Variants in SAMD5 observed in about 807,000 individuals in gnomAD.
The protein encoded by SAMD5 is sterile alpha motif domain containing 5, also known as sterile alpha motif domain-containing protein 5.
SAMD5 carries 13 observed loss-of-function variants against 11.3 expected under a neutral mutation model. That is an observed-to-expected ratio of 1.15 (90% confidence interval 0.75 to 1.83). SAMD5 has a LOEUF of 1.83. Ranked by LOEUF, SAMD5 falls within the 40% of genes most tolerant of loss-of-function variation. SAMD5 has a pLI of 0.00. For synonymous variants in SAMD5, 129 were observed against 111.3 expected (o/e 1.16, Z -1.00); for missense variants, 255 against 239.1 (o/e 1.07, Z -0.44).
At chr6:147,892,506 A>G in the SAMD5 span, among the ~76,000 whole-genome samples, 24,175 of 152,186 alleles carry the variant, frequency 0.16, 2,140 homozygotes, top group East Asian at 0.32. Context: ...TACTGACAAA[A>G]TTCCAGTTAG....
At chr6:147,777,442 A>C in the SAMD5 span, among the ~76,000 whole-genome samples, 1 of 151,462 alleles carries the variant, frequency 6.6e-6, no homozygotes, top group African/African-American at 2.4e-5. Flanking sequence ...CTTGGCCTCC[A>C]CTCTCTCCTG....
chr6:147,861,870 C>G, the SAMD5 span, among the ~76,000 whole-genome samples: 1,226 of 152,272 alleles, frequency 8.1e-3, 13 homozygotes, highest in Middle Eastern at 0.037. Context: ...GGCTCTGTGA[C>G]AGCAGCTGTT....
chr6:147,669,484 G>C (rs1790767269), intron 1 of SAMD5, among the ~76,000 whole-genome samples: 1 of 140,880 alleles, frequency 7.1e-6, no homozygotes, highest in African/African-American at 2.7e-5. Context: ...CTGGAGTGCA[G>C]TGTCATGGTC....
chr6:147,936,416 C>T, the SAMD5 span, among the ~76,000 whole-genome samples: 1 of 147,080 alleles, frequency 6.8e-6, no homozygotes, highest in Non-Finnish European at 1.5e-5. Context: ...AGGCACATCA[C>T]ATAGTGAGAG....
intron 1 of SAMD5, among the ~76,000 whole-genome samples, chr6:147,657,581 C>T (rs1790589102): frequency 6.6e-6 from 1 of 152,140 alleles, no homozygotes. Flanking sequence ...GCTGCTATAA[C>T]AAAATACCAT....
the SAMD5 span, among the ~76,000 whole-genome samples, chr6:147,859,335 G>A: frequency 2.0e-5 from 3 of 152,258 alleles, no homozygotes; most frequent in Admixed American, 1.3e-4. Context: ...GCCTACCATA[G>A]GAAACAATTG....
intron 1 of SAMD5, among the ~76,000 whole-genome samples, chr6:147,655,630 G>A (rs540122173): frequency 3.0e-4 from 46 of 152,228 alleles, no homozygotes; most frequent in African/African-American, 1.0e-3. Flanking sequence ...GAATATTTAT[G>A]TAATTTATTA....
chr6:147,910,499 A>C, the SAMD5 span, among the ~76,000 whole-genome samples: 12 of 152,284 alleles, frequency 7.9e-5, no homozygotes, highest in South Asian at 2.5e-3. Flanking sequence ...TGCTGGGTAG[A>C]AAATGCCACT....
At chr6:147,574,326 A>G (rs1337661146), downstream of SAMD5, among the ~76,000 whole-genome samples, 5 of 152,292 alleles carry the variant, frequency 3.3e-5, no homozygotes, top group East Asian at 5.8e-4. Flanking sequence ...GGTTTTTCAT[A>G]ATTTACCCAA....
intron 1 of SAMD5, among the ~76,000 whole-genome samples, chr6:147,710,291 C>G (rs9386194): frequency 0.71 from 108,131 of 152,150 alleles, 39,241 homozygotes; most frequent in African/African-American, 0.85. Context: ...TGAAAGTACA[C>G]TTACCCCGCC....
intron 1 of SAMD5, among the ~76,000 whole-genome samples, chr6:147,523,086 A>G (rs541838483): frequency 1.3e-5 from 2 of 152,088 alleles, no homozygotes; most frequent in East Asian, 1.9e-4. Context: ...TCAATCCCCT[A>G]TAGTCGGCTC....
the SAMD5 span, among the ~76,000 whole-genome samples, chr6:147,908,891 A>C: frequency 5.6e-4 from 85 of 152,302 alleles, no homozygotes; most frequent in African/African-American, 2.0e-3. Context: ...ATGCAGGCTA[A>C]GCCTGAGATA....
the SAMD5 span, among the ~76,000 whole-genome samples, chr6:147,939,655 G>T: frequency 6.6e-6 from 1 of 152,140 alleles, no homozygotes; most frequent in Admixed American, 6.5e-5. Flanking sequence ...AGGAGAAATA[G>T]TAGCAAGAGA....
chr6:147,551,812 T>TTATATATATATATATATGTTATATATATA (rs1788776278), intron 1 of SAMD5, among the ~76,000 whole-genome samples: 3 of 99,450 alleles, frequency 3.0e-5, no homozygotes, highest in African/African-American at 1.1e-4. Context: ...TATATATATG[T>TTATATATATATATATATGTTATATATATA]TATATATATA....
At chr6:147,629,459 C>G (rs949425277) in intron 1 of SAMD5, among the ~76,000 whole-genome samples, 1 of 151,992 alleles carries the variant, frequency 6.6e-6, no homozygotes, top group Non-Finnish European at 1.5e-5. Context: ...GATGAAAAGC[C>G]CATATTTAGA....
intron 1 of SAMD5, among the ~76,000 whole-genome samples, chr6:147,599,541 G>T (rs1789584781): frequency 6.6e-6 from 1 of 152,072 alleles, no homozygotes; most frequent in South Asian, 2.1e-4. Flanking sequence ...TAAAATCTAA[G>T]ATTTTGACTA....
chr6:147,520,163 G>A (rs924458787), intron 1 of SAMD5, among the ~76,000 whole-genome samples: 1 of 147,608 alleles, frequency 6.8e-6, no homozygotes, highest in Non-Finnish European at 1.5e-5. Context: ...TGTTGCCCAG[G>A]CTGGAGTGCA....
the SAMD5 span, among the ~76,000 whole-genome samples, chr6:147,748,058 A>G: frequency 2.0e-3 from 306 of 152,312 alleles, 2 homozygotes; most frequent in Middle Eastern, 6.8e-3. Flanking sequence ...TCATCAAGCC[A>G]AAGTTTCTCA....
chr6:147,894,615 T>C, the SAMD5 span, among the ~76,000 whole-genome samples: 1 of 152,180 alleles, frequency 6.6e-6, no homozygotes, highest in Admixed American at 6.5e-5. Flanking sequence ...AAGCAATTCT[T>C]TAGGAAATCC....
Sources: gnomAD v4.1 joint callset for allele counts (sites outside exome capture counted in the v4.1 genomes callset) on GRCh38, gnomAD v4.1.1 for gene constraint, MANE v1.5 for transcripts, NCBI Gene and HGNC (gene_info 2026-07-23, HGNC 2026-07-21) for gene names.